Variants in JPT2 observed in about 807,000 individuals in gnomAD.
JPT2 encodes Jupiter microtubule associated homolog 2, also known as CRAMP_1 like.
JPT2 carries 9 observed loss-of-function variants against 15.9 expected under a neutral mutation model. The observed-to-expected ratio is 0.57, with a 90% CI of 0.34 to 0.99. JPT2 has a LOEUF of 0.99. Among genes scored for constraint, JPT2 ranks in the 50% least tolerant of loss-of-function variants. The pLI, the probability that JPT2 is intolerant of heterozygous loss-of-function variation, is 0.02. For synonymous variants in JPT2, 95 were observed against 91.7 expected (o/e 1.04, Z -0.21); for missense variants, 267 against 252.1 (o/e 1.06, Z -0.40).
At chr16:1,685,610 A>C (rs774534552) in intron 2 of JPT2, 23 bp downstream of exon 2, 1 of 1,603,890 alleles carries the variant, frequency 6.2e-7, no homozygotes, top group Admixed American at 1.7e-5. Flanking sequence ...GGAAATCCTT[A>C]ATCCTTTGGC....
intron 3 of JPT2, among the ~76,000 whole-genome samples, chr16:1,696,287 G>T (rs1336948930): frequency 1.3e-5 from 2 of 151,982 alleles, no homozygotes; most frequent in Non-Finnish European, 2.9e-5. Flanking sequence ...TGTAATCCCA[G>T]CAATTTGGGA....
At chr16:1,680,352 C>G in intron 1 of JPT2, 2 of 1,008,650 alleles carry the variant, frequency 2.0e-6, no homozygotes, top group Non-Finnish European at 2.4e-6. Context: ...GACTTTCACG[C>G]TCCAGAAGTT....
chr16:1,696,723 A>G (rs2037144861), intron 3 of JPT2, among the ~76,000 whole-genome samples: 2 of 152,200 alleles, frequency 1.3e-5, no homozygotes, highest in Admixed American at 1.3e-4. Flanking sequence ...ACCACCCGAA[A>G]AGATGGTCAG....
chr16:1,681,737 T>G (rs1416082741), intron 1 of JPT2, among the ~76,000 whole-genome samples: 3 of 152,128 alleles, frequency 2.0e-5, no homozygotes, highest in Non-Finnish European at 4.4e-5. Context: ...TTGCCAATGA[T>G]AGGTGCTCGA....
rs1446977177 is a variant in JPT2, at chr16:1,700,718, A to G, written c.*1720A>G. 1 of 153,054 alleles carries G rather than the reference A, an allele frequency of 6.5e-6. No homozygotes were observed. Among genetic ancestry groups the G allele is most frequent in the Non-Finnish European group, 1.5e-5 (1 of 68,414 alleles). 9.5% of individuals were successfully genotyped at this position (153,054 alleles called of 1,614,324 possible). On this transcript the variant is annotated 3_prime_UTR_variant, in exon 5 of 5. Transcript: ENST00000248098. ...AAGTCATTGATGCAACTTGAAAGGAAACAGTTTAATGGTGGAAATGAACTA... is the reference window on the plus strand; with the variant it reads ...AAGTCATTGATGCAACTTGAAAGGAGACAGTTTAATGGTGGAAATGAACTA...
intron 3 of JPT2, 29 bp from the exon 4 acceptor site, chr16:1,697,767 AAATTTTCTGAGTGAGT>A (rs2037153142): frequency 1.3e-6 from 2 of 1,597,638 alleles, no homozygotes; most frequent in South Asian, 2.2e-5. Context: ...AATGAGGGTA[AAATTTTCTGAGTGAGT>A]CCTGATTTGG....
chr16:1,683,668 C>T, intron 1 of JPT2: 2 of 1,007,672 alleles, frequency 2.0e-6, no homozygotes, highest in Non-Finnish European at 3.0e-6. Context: ...CTGAAGCACT[C>T]TCTGCCTTCC....
Position 1,692,994 on chromosome 16 carries a change from A to G in JPT2, c.336+1009A>G, listed in dbSNP as rs375222562. ...CGGCCAGCCTGGTTTGGATTGCCCT[A>G]CATCTCTCTTGTGCTGGCATCTCTG... On this transcript the variant is annotated intron_variant, in intron 3 of 4. Coordinates refer to ENST00000248098, the MANE Select transcript of JPT2 (RefSeq NM_144570.3). Among the ~76,000 whole-genome samples the G allele has an allele frequency of 2.6e-5, 4 of 152,360 alleles. No homozygotes were observed. The East Asian group carries it at 7.7e-4, about 29-fold the overall frequency.
intron 1 of JPT2, 24 bp from the exon 2 acceptor site, chr16:1,685,415 T>C (rs1386671064): frequency 5.6e-6 from 9 of 1,610,032 alleles, no homozygotes; most frequent in Non-Finnish European, 7.6e-6. Flanking sequence ...CCATCAGTAA[T>C]TGGCATGTAC....
Position 1,698,899 on chromosome 16 carries a change from C to T in JPT2, c.474C>T (p.Pro158=). The T allele has an allele frequency of 6.2e-7, 1 of 1,614,242 alleles. No homozygotes were observed. The highest frequency in any genetic ancestry group is 8.5e-7 in the Non-Finnish European group (1 of 1,180,040). ...CCGCCAAGGAGCAGGAGCCCATGCC[C>T]ACAGTCGACAGCCATGAGCCCCGGC... The part of the protein sequence containing the change: ...AGPAKEQEPM[P]TVDSHEPRLG... The change falls in exon 5 of 5, where the codon CCC becomes CCT. Residue 158 remains proline, a synonymous_variant. Coordinates refer to ENST00000248098, the MANE Select transcript of JPT2 (RefSeq NM_144570.3). The surrounding 1 kb of genome is among the most constrained non-coding windows in gnomAD (Gnocchi z 4.9).
At chr16:1,691,231 C>G (rs1020905152) in intron 2 of JPT2, among the ~76,000 whole-genome samples, 1 of 152,144 alleles carries the variant, frequency 6.6e-6, no homozygotes, top group Non-Finnish European at 1.5e-5. Flanking sequence ...TCACCTGCTA[C>G]TAGGAAGTTA....
chr16:1,684,746 A>G (rs1394623543), intron 1 of JPT2, among the ~76,000 whole-genome samples: 3 of 151,998 alleles, frequency 2.0e-5, no homozygotes, highest in African/African-American at 7.3e-5. Flanking sequence ...TCCGTCTCAA[A>G]AAAAACAAAC....
Position 1,698,288 on chromosome 16 carries a change from C to A in JPT2, c.385+428C>A, listed in dbSNP as rs1314354339. On this transcript the variant is annotated intron_variant, in intron 4 of 4. Coordinates refer to ENST00000248098, the MANE Select transcript of JPT2 (RefSeq NM_144570.3). The surrounding 1 kb of genome is among the most constrained non-coding windows in gnomAD (Gnocchi z 4.9). Reference sequence around the variant, plus strand: ...ACTGCTCAGGTTGAGCGGCAGACTTCGACTCTCCCCACGGCTCTTTAGCCT... The same window carrying A: ...ACTGCTCAGGTTGAGCGGCAGACTTAGACTCTCCCCACGGCTCTTTAGCCT... Among the ~76,000 whole-genome samples the A allele has an allele frequency of 6.6e-6, 1 of 152,186 alleles. No homozygotes were observed. The highest frequency in any genetic ancestry group is 1.5e-5 in the Non-Finnish European group (1 of 68,030).
Position 1,699,936 on chromosome 16 carries a change from G to C in JPT2, c.*938G>C, listed in dbSNP as rs1304180982. The C allele has an allele frequency of 3.4e-6, 1 of 292,248 alleles. No individual in the cohort carries two copies. The highest frequency in any genetic ancestry group is 2.2e-5 in the African/African-American group (1 of 46,278). 18.1% of individuals were successfully genotyped at this position (292,248 alleles called of 1,614,324 possible). On this transcript the variant is annotated 3_prime_UTR_variant, in exon 5 of 5. Transcript: ENST00000248098. ...TGTGTCTTTCTTTATTCCTTAATTG[G>C]TTGGTGGAAAGAAGAGATGCTTGGG...
chr16:1,680,554 T>G lies in JPT2; in HGVS notation c.44+2198T>G, dbSNP rs2037014839. The G allele has an allele frequency of 4.4e-6, 5 of 1,146,960 alleles. No individual in the cohort carries two copies. In the South Asian group the frequency reaches 8.1e-5, roughly 19 times the overall value. The allele number at this position is 1,146,960 out of a possible 1,614,324, so 71.0% of individuals were successfully genotyped here. A position where few individuals can be genotyped will look rare whatever the true frequency, so the allele number is the denominator to read the frequency against. ...CCAGACGCTGCACATTTGCCACTCA[T>G]CTGAACGGGGTCGAGTCGCAGGGCG... is the stretch of plus-strand genomic sequence containing the variant. On this transcript the variant is annotated intron_variant, in intron 1 of 4. Transcript: ENST00000248098.
intron 1 of JPT2, chr16:1,680,452 C>G (rs1044878142): frequency 6.5e-6 from 8 of 1,234,582 alleles, no homozygotes; most frequent in Non-Finnish European, 8.4e-6. Context: ...AAAACTCTTC[C>G]TTTTAGGATG....
intron 3 of JPT2, among the ~76,000 whole-genome samples, chr16:1,695,346 A>T (rs2037133280): frequency 6.6e-6 from 1 of 151,746 alleles, no homozygotes; most frequent in Admixed American, 6.6e-5. Context: ...TGGAGGTTGC[A>T]GTGAGCTGAG....
rs2037173268 is a variant in JPT2, at chr16:1,700,401, G to C, written c.*1403G>C. On this transcript the variant is annotated 3_prime_UTR_variant, in exon 5 of 5. Transcript: ENST00000248098. ...GTTAACAGAGGAGAACGTCTGGGTG[G>C]CGGCAGCAGCTTTGCTCTGAGTGCC... 3.7e-6 allele frequency: 1 copy of C among 269,840 alleles called. No individual in the cohort carries two copies. Among genetic ancestry groups the C allele is most frequent in the South Asian group, 3.6e-5 (1 of 28,054 alleles). The allele number at this position is 269,840 out of a possible 1,614,324, so 16.7% of individuals were successfully genotyped here.
At chr16:1,683,948 T>G (rs1013241731) in intron 1 of JPT2, among the ~76,000 whole-genome samples, 11 of 152,210 alleles carry the variant, frequency 7.2e-5, no homozygotes, top group African/African-American at 2.7e-4. Flanking sequence ...GATGTGTAAG[T>G]CCTTGATATA....
Sources: allele counts gnomAD v4.1 joint callset (sites outside exome capture counted in the v4.1 genomes callset), GRCh38; gene constraint gnomAD v4.1.1; non-coding constraint Gnocchi (gnomAD v3.1); transcripts MANE v1.5; gene names NCBI Gene and HGNC (gene_info 2026-07-23, HGNC 2026-07-21).